CNTNAP5: variants seen among roughly 807,000 people sequenced by gnomAD.
CNTNAP5 encodes the protein contactin associated protein family member 5, also known as contactin-associated protein-like 5.
CNTNAP5 carries 72 observed loss-of-function variants against 150.2 expected under a neutral mutation model. The observed-to-expected ratio is 0.48, with a 90% CI of 0.40 to 0.58. The LOEUF (loss-of-function observed/expected upper bound fraction) is 0.58. Ranked by LOEUF, CNTNAP5 falls within the 20% of genes least tolerant of loss-of-function variation. The probability of loss-of-function intolerance (pLI) is 0.00; values close to 1 mark genes in which losing one functional copy is unlikely to be tolerated. For synonymous variants in CNTNAP5, 672 were observed against 619.8 expected (o/e 1.08, Z -1.25); for missense variants, 1,636 against 1,626.2 (o/e 1.01, Z -0.10).
intron 3 of CNTNAP5, among the ~76,000 whole-genome samples, chr2:124,398,600 G>A (rs1486334768): frequency 1.3e-5 from 2 of 151,996 alleles, no homozygotes; most frequent in African/African-American, 2.4e-5. Flanking sequence ...AGGTTCAAGC[G>A]ATTCTCCTGC....
intron 19 of CNTNAP5, among the ~76,000 whole-genome samples, chr2:124,813,985 T>C (rs575424191): frequency 6.6e-6 from 1 of 152,186 alleles, no homozygotes; most frequent in East Asian, 2.0e-4. Flanking sequence ...TTCTCCATTC[T>C]GACCAGGGTG....
At chr2:124,809,992 G>C (rs1039907564) in intron 19 of CNTNAP5, among the ~76,000 whole-genome samples, 3 of 152,106 alleles carry the variant, frequency 2.0e-5, no homozygotes, top group Non-Finnish European at 4.4e-5. Context: ...AAAAACACTG[G>C]CCATTTGCAG....
chr2:124,271,125 G>A (rs950223780), intron 3 of CNTNAP5, among the ~76,000 whole-genome samples: 1 of 151,972 alleles, frequency 6.6e-6, no homozygotes, highest in Non-Finnish European at 1.5e-5. Flanking sequence ...ATGTGAAAAA[G>A]GTTGGAAACC....
At chr2:124,552,617 A>G (rs1242050828) in intron 10 of CNTNAP5, among the ~76,000 whole-genome samples, 2 of 152,170 alleles carry the variant, frequency 1.3e-5, no homozygotes, top group Non-Finnish European at 2.9e-5. Context: ...ATGCACACAC[A>G]TGCACACATA....
At chr2:124,549,015 C>G (rs1187901223) in intron 10 of CNTNAP5, among the ~76,000 whole-genome samples, 1 of 152,240 alleles carries the variant, frequency 6.6e-6, no homozygotes, top group African/African-American at 2.4e-5. Flanking sequence ...TTTACTCCAT[C>G]ACAACAGCCT....
intron 10 of CNTNAP5, among the ~76,000 whole-genome samples, chr2:124,561,722 G>T (rs1284986722): frequency 6.6e-6 from 1 of 152,216 alleles, no homozygotes; most frequent in East Asian, 1.9e-4. Flanking sequence ...TTTCTAATAT[G>T]TCTGAACATA....
chr2:124,848,822 T>A (rs1683100799), intron 19 of CNTNAP5, among the ~76,000 whole-genome samples: 1 of 152,194 alleles, frequency 6.6e-6, no homozygotes, highest in African/African-American at 2.4e-5. Flanking sequence ...TATCCAGAAC[T>A]TTTGCTCACT....
At chr2:124,131,089 G>T (rs1683832391) in intron 1 of CNTNAP5, among the ~76,000 whole-genome samples, 1 of 152,128 alleles carries the variant, frequency 6.6e-6, no homozygotes, top group South Asian at 2.1e-4. Flanking sequence ...TTTCATTAAT[G>T]TGAATAGCTG....
At chr2:124,572,510 G>A (rs1696188612) in intron 11 of CNTNAP5, among the ~76,000 whole-genome samples, 1 of 152,172 alleles carries the variant, frequency 6.6e-6, no homozygotes, top group African/African-American at 2.4e-5. Context: ...GATTGGACCT[G>A]GGCATAAAGG....
chr2:124,498,639 T>C (rs928567126), intron 7 of CNTNAP5, among the ~76,000 whole-genome samples: 7 of 152,306 alleles, frequency 4.6e-5, no homozygotes, highest in Middle Eastern at 3.4e-3. Flanking sequence ...TATCATCTTT[T>C]GCTCACTTAC....
intron 1 of CNTNAP5, among the ~76,000 whole-genome samples, chr2:124,040,716 T>C (rs1380206949): frequency 6.6e-6 from 1 of 151,752 alleles, no homozygotes; most frequent in Non-Finnish European, 1.5e-5. Flanking sequence ...GAGCTTTTAA[T>C]ATATCAAACC....
intron 19 of CNTNAP5, among the ~76,000 whole-genome samples, chr2:124,825,636 G>A (rs887103693): frequency 4.6e-5 from 7 of 152,142 alleles, no homozygotes; most frequent in African/African-American, 1.7e-4. Flanking sequence ...TTTGAAATGG[G>A]AAACACTTGT....
intron 5 of CNTNAP5, among the ~76,000 whole-genome samples, chr2:124,442,922 C>T (rs1692710799): frequency 6.6e-6 from 1 of 152,004 alleles, no homozygotes; most frequent in Non-Finnish European, 1.5e-5. Flanking sequence ...TACCAGACAG[C>T]CAAATTTTAA....
chr2:124,688,458 CAGTT>C (rs1339526633), intron 13 of CNTNAP5, among the ~76,000 whole-genome samples: 1 of 152,004 alleles, frequency 6.6e-6, no homozygotes, highest in Non-Finnish European at 1.5e-5. Flanking sequence ...GGGAAAACAT[CAGTT>C]AGTCTGGATG....
chr2:124,818,364 AAAAAT>A (rs1682412804), intron 19 of CNTNAP5, among the ~76,000 whole-genome samples: 1 of 152,078 alleles, frequency 6.6e-6, no homozygotes, highest in African/African-American at 2.4e-5. Context: ...TTACAAAAAT[AAAAAT>A]AAAATAAGCT....
chr2:124,347,888 G>C (rs1465785334), intron 3 of CNTNAP5, among the ~76,000 whole-genome samples: 1 of 150,840 alleles, frequency 6.6e-6, no homozygotes, highest in Non-Finnish European at 1.5e-5. Flanking sequence ...GCAGTGGCAC[G>C]AACTCCGCTC....
chr2:124,407,032 T>G (rs1164330006), intron 3 of CNTNAP5, among the ~76,000 whole-genome samples: 2 of 152,242 alleles, frequency 1.3e-5, no homozygotes, highest in Non-Finnish European at 2.9e-5. Context: ...TGACATGATT[T>G]CATCCTTTTT....
rs115291426 is a variant in CNTNAP5, at chr2:124,726,907, G to A, written c.2078-20322G>A. Among the ~76,000 whole-genome samples the A allele has an allele frequency of 7.6e-3, 1,152 of 151,878 alleles. 11 individuals carry two copies. The highest frequency in any genetic ancestry group is 0.021 in the South Asian group (100 of 4,816). On this transcript the variant is annotated intron_variant, in intron 13 of 23. Coordinates refer to ENST00000682447, the MANE Select transcript of CNTNAP5 (RefSeq NM_001367498.1). Reference sequence around the variant, plus strand: ...TTTGGGGTCATGCTAAAAAAATGTTGTTCAGACTAACATCATGAAGATTTT... The same window carrying A: ...TTTGGGGTCATGCTAAAAAAATGTTATTCAGACTAACATCATGAAGATTTT...
At chr2:124,036,894 A>G (rs998424487) in intron 1 of CNTNAP5, among the ~76,000 whole-genome samples, 32 of 152,252 alleles carry the variant, frequency 2.1e-4, no homozygotes, top group African/African-American at 7.2e-4. Context: ...TGGCTCCAAA[A>G]CTCATACTTT....
Sources: gnomAD v4.1 joint callset for allele counts (sites outside exome capture counted in the v4.1 genomes callset) on GRCh38, gnomAD v4.1.1 for gene constraint, MANE v1.5 for transcripts, NCBI Gene and HGNC (gene_info 2026-07-23, HGNC 2026-07-21) for gene names.